The following ZNF407 variants were observed in gnomAD, a reference collection of about 807,000 sequenced individuals.
The protein encoded by ZNF407 is zinc finger protein 407.
A neutral mutation model predicts 131.2 loss-of-function variants in ZNF407; 17 were observed. The ratio of observed to expected loss-of-function variants is 0.13; its 90% CI spans 0.09 to 0.19. The LOEUF (loss-of-function observed/expected upper bound fraction) is 0.19, where lower values mean the gene tolerates loss of function less well. Ranked by LOEUF, ZNF407 falls within the 10% of genes least tolerant of loss-of-function variation. The pLI is 1.00. For missense variants in ZNF407, 2,681 were observed against 2,830.6 expected, an observed-to-expected ratio of 0.95 and a Z score of 1.20; for synonymous variants, 1,156 against 1,062.0, an observed-to-expected ratio of 1.09 and a Z score of -1.72.
intron 8 of ZNF407, among the ~76,000 whole-genome samples, chr18:75,008,370 A>G (rs763141012): frequency 7.9e-5 from 12 of 152,178 alleles, no homozygotes; most frequent in Non-Finnish European, 1.8e-4. Context: ...AATGTCAGGG[A>G]CCCTGAAAGG....
intron 4 of ZNF407, among the ~76,000 whole-genome samples, chr18:74,868,960 C>A (rs987159788): frequency 6.6e-6 from 1 of 152,156 alleles, no homozygotes; most frequent in Admixed American, 6.5e-5. Context: ...CATTGCTAGA[C>A]ACACAGTAAA....
intron 4 of ZNF407, among the ~76,000 whole-genome samples, chr18:74,790,349 G>A (rs1015188174): frequency 6.6e-6 from 1 of 152,152 alleles, no homozygotes; most frequent in Admixed American, 6.5e-5. Context: ...GTAGTATGAA[G>A]CTTCCAGTTG....
intron 3 of ZNF407, among the ~76,000 whole-genome samples, chr18:74,739,510 T>TTATA (rs994229242): frequency 1.3e-5 from 2 of 150,900 alleles, no homozygotes; most frequent in Non-Finnish European, 3.0e-5. Flanking sequence ...TTATTTATAT[T>TTATA]TATATATATA....
intron 4 of ZNF407, among the ~76,000 whole-genome samples, chr18:74,845,250 T>C (rs1970686446): frequency 6.6e-6 from 1 of 152,238 alleles, no homozygotes; most frequent in Non-Finnish European, 1.5e-5. Context: ...CTCCTTGAGT[T>C]TATGTTTGCT....
At chr18:74,780,510 A>G (rs947747333) in intron 3 of ZNF407, among the ~76,000 whole-genome samples, 1 of 152,188 alleles carries the variant, frequency 6.6e-6, no homozygotes, top group Admixed American at 6.5e-5. Context: ...TGCATATGTC[A>G]TGTCTTTCAT....
intron 4 of ZNF407, among the ~76,000 whole-genome samples, chr18:74,849,320 C>T (rs946578204): frequency 3.9e-5 from 6 of 152,040 alleles, no homozygotes; most frequent in African/African-American, 1.2e-4. Context: ...CCTCGTGATC[C>T]GCCCGCCTGT....
chr18:74,968,092 T>G (rs1972428982), intron 8 of ZNF407, among the ~76,000 whole-genome samples: 1 of 152,150 alleles, frequency 6.6e-6, no homozygotes, highest in Non-Finnish European at 1.5e-5. Context: ...GTGACCCAAT[T>G]TGGCCTCAGT....
At position 74,890,432 on chromosome 18, in the gene ZNF407, A is replaced by G. The variant is rs1343139221; in HGVS notation, c.5249+394A>G. ...CTGTGGGTTTTGACAAATTTATGACATGTATCTGCCATTATAATATCATGC... is the reference window on the plus strand; with the variant it reads ...CTGTGGGTTTTGACAAATTTATGACGTGTATCTGCCATTATAATATCATGC... On this transcript the variant is annotated intron_variant, in intron 7 of 8. Coordinates refer to ENST00000299687, the MANE Select transcript of ZNF407 (RefSeq NM_017757.3). Among the ~76,000 whole-genome samples, 3 of 152,220 alleles carry G rather than the reference A, an allele frequency of 2.0e-5. No individual in the cohort carries two copies. In the East Asian group the frequency reaches 5.8e-4, roughly 29 times the overall value.
rs1219717086 is a variant in ZNF407, at chr18:75,062,954, A to G, written c.5429-196A>G. 3 of 535,112 alleles carry G rather than the reference A, an allele frequency of 5.6e-6. No individual in the cohort carries two copies. In the Admixed American group the frequency reaches 1.0e-4, roughly 18 times the overall value. The allele number at this position is 535,112 out of a possible 1,614,324, so 33.1% of individuals were successfully genotyped here. ...CCAGTATTAACTGTGTGTGCCCTTG[A>G]GCCTAGAGCCTGCCTGCAGATGCCC... On this transcript the variant is annotated intron_variant, in intron 8 of 8. Coordinates refer to ENST00000299687, the MANE Select transcript of ZNF407 (RefSeq NM_017757.3).
intron 1 of ZNF407, among the ~76,000 whole-genome samples, chr18:74,623,010 GAA>G (rs924555498): frequency 6.8e-6 from 1 of 146,898 alleles, no homozygotes; most frequent in African/African-American, 2.5e-5. Flanking sequence ...CTGTTAGTCT[GAA>G]TGTGAGTTGG....
intron 3 of ZNF407, among the ~76,000 whole-genome samples, chr18:74,656,833 C>T (rs2052315488): frequency 6.6e-6 from 1 of 152,080 alleles, no homozygotes; most frequent in Non-Finnish European, 1.5e-5. Context: ...TGTAATCAGG[C>T]AGATTAAAAA....
intron 4 of ZNF407, among the ~76,000 whole-genome samples, chr18:74,840,733 A>G (rs936085869): frequency 2.6e-5 from 4 of 152,154 alleles, no homozygotes; most frequent in South Asian, 2.1e-4. Context: ...TACATAGGCC[A>G]TAGCCTTTGT....
intron 3 of ZNF407, among the ~76,000 whole-genome samples, chr18:74,768,722 G>A (rs758300177): frequency 1.3e-5 from 2 of 152,068 alleles, no homozygotes; most frequent in Non-Finnish European, 2.9e-5. Context: ...TTTATAAGTT[G>A]AGGCTAGTAA....
chr18:75,039,933 G>A (rs1004896033), intron 8 of ZNF407, among the ~76,000 whole-genome samples: 4 of 151,938 alleles, frequency 2.6e-5, no homozygotes, highest in African/African-American at 9.7e-5. Context: ...CTATGGAAAT[G>A]AGTTGTATGC....
Position 74,631,545 on chromosome 18 carries a change from A to C in ZNF407, c.526A>C (p.Ser176Arg). 6.2e-7 allele frequency: 1 copy of C among 1,613,822 alleles called. No individual in the cohort carries two copies. Among genetic ancestry groups the C allele is most frequent in the South Asian group, 1.1e-5 (1 of 91,082 alleles). ...SPFPPKEISV[S>R]CTIGNVDTVL... The stretch of plus-strand genomic sequence containing the variant: ...TTTCCCCCCGAAAGAAATTAGTGTT[A>C]GTTGTACCATTGGGAATGTAGATAC... The change falls in exon 2 of 9, where the codon AGT (serine) becomes CGT (arginine). Residue 176 changes from serine to arginine, a missense_variant. Transcript: ENST00000299687.
chr18:74,857,830 T>C (rs1599201230), intron 4 of ZNF407, among the ~76,000 whole-genome samples: 1 of 152,040 alleles, frequency 6.6e-6, no homozygotes, highest in Admixed American at 6.6e-5. Context: ...TCTTATGATA[T>C]CTCTTTGTGG....
intron 4 of ZNF407, among the ~76,000 whole-genome samples, chr18:74,809,934 T>C (rs1011735772): frequency 6.6e-6 from 1 of 152,186 alleles, no homozygotes; most frequent in African/African-American, 2.4e-5. Flanking sequence ...ATGGATTGTA[T>C]GTGAGATGTA....
intron 8 of ZNF407, among the ~76,000 whole-genome samples, chr18:75,029,498 C>T (rs891609749): frequency 2.6e-5 from 4 of 152,194 alleles, no homozygotes; most frequent in African/African-American, 9.7e-5. Context: ...TGTTCGTTCT[C>T]ACTGCACAGT....
chr18:74,779,913 C>A (rs1387607081), intron 3 of ZNF407, among the ~76,000 whole-genome samples: 1 of 151,770 alleles, frequency 6.6e-6, no homozygotes, highest in African/African-American at 2.4e-5. Flanking sequence ...CAATGGAGGA[C>A]AGTAGGGAAG....
Sources: allele counts gnomAD v4.1 joint callset (sites outside exome capture counted in the v4.1 genomes callset), GRCh38; gene constraint gnomAD v4.1.1; transcripts MANE v1.5; gene names NCBI Gene and HGNC (gene_info 2026-07-23, HGNC 2026-07-21).